Variants in TEC observed in about 807,000 individuals in gnomAD.
The protein encoded by TEC is tec protein tyrosine kinase, also known as tyrosine-protein kinase Tec.
A neutral mutation model predicts 93.0 loss-of-function variants in TEC; 72 were observed. The observed-to-expected ratio is 0.77, with a 90% CI of 0.64 to 0.94. The LOEUF is 0.94. TEC is among the 40% of genes least tolerant of loss of function. TEC has a pLI of 0.00. For synonymous variants in TEC, 249 were observed against 247.7 expected (o/e 1.01, Z -0.05); for missense variants, 630 against 757.9 (o/e 0.83, Z 1.98).
At position 48,145,539 on chromosome 4, in the gene TEC, C is replaced by G. The variant is rs946733895; in HGVS notation, c.1122G>C (p.Arg374Ser). Residue 374 changes from arginine (R) to serine (S), a missense_variant, in exon 13 of 18, where the codon AGG (arginine) becomes AGC (serine). Arg to Ser is a moderately radical substitution (Grantham distance 110, BLOSUM62 -1). Coordinates refer to ENST00000381501, the MANE Select transcript of TEC (RefSeq NM_003215.3). ...EINPSELTFM[R>S]ELGSGLFGVV... is the part of the protein sequence containing the mutation. ...CTCCAAACAGTCCACTTCCCAATTC[C>G]CTCATAAAGGTCAGTTCTGAAGGGT... 3.7e-6 allele frequency: 6 copies of G among 1,614,156 alleles called. No homozygotes were observed. The highest frequency in any genetic ancestry group is 5.1e-6 in the Non-Finnish European group (6 of 1,180,020).
intron 1 of TEC, among the ~76,000 whole-genome samples, chr4:48,250,572 C>T (rs762922675): frequency 1.3e-5 from 2 of 152,174 alleles, no homozygotes; most frequent in Non-Finnish European, 2.9e-5. Flanking sequence ...TCCTCTCTTG[C>T]TTCTTTGCGA....
chr4:48,258,897 CT>C (rs1381549266), intron 1 of TEC, among the ~76,000 whole-genome samples: 1 of 152,168 alleles, frequency 6.6e-6, no homozygotes, highest in Non-Finnish European at 1.5e-5. Context: ...TATAAATCCA[CT>C]TTCCCTACTT....
At chr4:48,205,482 A>G (rs1412085435) in intron 2 of TEC, among the ~76,000 whole-genome samples, 2 of 152,236 alleles carry the variant, frequency 1.3e-5, no homozygotes, top group South Asian at 2.1e-4. Flanking sequence ...TGCTAAATAT[A>G]TACTATTATT....
chr4:48,185,622 G>A (rs1721788418), intron 2 of TEC, among the ~76,000 whole-genome samples: 1 of 151,940 alleles, frequency 6.6e-6, no homozygotes, highest in African/African-American at 2.4e-5. Flanking sequence ...TTTACACTAA[G>A]GAGAAAAAGA....
At chr4:48,155,474 T>G (rs1577705387) in intron 9 of TEC, among the ~76,000 whole-genome samples, 1 of 152,210 alleles carries the variant, frequency 6.6e-6, no homozygotes, top group Non-Finnish European at 1.5e-5. Flanking sequence ...ACAGAACTTC[T>G]ACTAGACGGG....
Position 48,160,859 on chromosome 4 carries a change from G to GAGGAAGGAAGGAAGGA in TEC, c.737+2842_737+2843insTCCTTCCTTCCTTCCT, listed in dbSNP as rs71200935. ...GGAGGGAGAGAGGGAGGGAGGAAGG[G>GAGGAAGGAAGGAAGGA]AGGAAGGAATTAATTCAAAAGCAGC... On this transcript the variant is annotated intron_variant, in intron 8 of 17. Transcript: ENST00000381501. Among the ~76,000 whole-genome samples, 27 of 110,854 alleles carry GAGGAAGGAAGGAAGGA rather than the reference G, an allele frequency of 2.4e-4. 1 individual carries two copies. Among genetic ancestry groups the GAGGAAGGAAGGAAGGA allele is most frequent in the Middle Eastern group, 4.8e-3 (1 of 210 alleles). 72.7% of individuals were successfully genotyped at this position (110,854 alleles called of 152,430 possible). A position where few individuals can be genotyped will look rare whatever the true frequency, so the allele number is the denominator to read the frequency against.
intron 1 of TEC, among the ~76,000 whole-genome samples, chr4:48,246,799 C>G (rs926200315): frequency 5.3e-5 from 8 of 152,206 alleles, no homozygotes; most frequent in Middle Eastern, 3.4e-3. Flanking sequence ...TTGTAGAACT[C>G]TTAGAAGAAA....
At chr4:48,196,154 G>T (rs941260080) in intron 2 of TEC, among the ~76,000 whole-genome samples, 2 of 152,298 alleles carry the variant, frequency 1.3e-5, no homozygotes, top group Admixed American at 1.3e-4. Flanking sequence ...CTGTGATGGT[G>T]TTTCCAGAGG....
chr4:48,204,862 C>T (rs991065066), intron 2 of TEC, among the ~76,000 whole-genome samples: 8 of 152,186 alleles, frequency 5.3e-5, no homozygotes, highest in African/African-American at 1.9e-4. Flanking sequence ...CAGTTCCTAA[C>T]AGGCCACGCA....
intron 1 of TEC, among the ~76,000 whole-genome samples, chr4:48,248,505 CAG>C (rs2109665298): frequency 6.6e-6 from 1 of 152,328 alleles, no homozygotes; most frequent in South Asian, 2.1e-4. Context: ...AGCCCAGCGT[CAG>C]TACGGGAGGT....
At chr4:48,165,854 G>A (rs1251011522) in intron 7 of TEC, among the ~76,000 whole-genome samples, 1 of 152,144 alleles carries the variant, frequency 6.6e-6, no homozygotes, top group Non-Finnish European at 1.5e-5. Flanking sequence ...ATAAGTATTA[G>A]AGCTAATCGG....
rs184222890 is a variant in TEC, at chr4:48,136,101, A to G, written c.*1315T>C. 2 of 152,308 alleles carry G rather than the reference A, an allele frequency of 1.3e-5. No homozygotes were observed. The highest frequency in any genetic ancestry group is 1.3e-4 in the Admixed American group (2 of 15,294). 9.4% of individuals were successfully genotyped at this position (152,308 alleles called of 1,614,324 possible). On this transcript the variant is annotated 3_prime_UTR_variant, in exon 18 of 18. Transcript: ENST00000381501. Reference sequence around the variant, plus strand: ...GCAATAAACGGTCTCTGGATGACTGATACAGTTTCTTTTCGCTGGCGCTCA... The same window carrying G: ...GCAATAAACGGTCTCTGGATGACTGGTACAGTTTCTTTTCGCTGGCGCTCA...
At chr4:48,224,320 A>T (rs1306231401) in intron 2 of TEC, among the ~76,000 whole-genome samples, 1 of 152,212 alleles carries the variant, frequency 6.6e-6, no homozygotes, top group African/African-American at 2.4e-5. Flanking sequence ...TACTACTTCA[A>T]TTTTTTAAAT....
intron 2 of TEC, among the ~76,000 whole-genome samples, chr4:48,210,117 G>A (rs1722850077): frequency 6.6e-6 from 1 of 152,020 alleles, no homozygotes; most frequent in Admixed American, 6.6e-5. Context: ...CCTTAGGAAG[G>A]GCTATGGAAT....
intron 13 of TEC, 34 bp downstream of exon 13, chr4:48,145,374 A>G: frequency 6.2e-7 from 1 of 1,613,180 alleles, no homozygotes. Context: ...TTCTTAATAC[A>G]AAAAGATGAG....
intron 1 of TEC, among the ~76,000 whole-genome samples, chr4:48,252,720 A>C (rs562789268): frequency 1.5e-4 from 23 of 152,244 alleles, no homozygotes; most frequent in Non-Finnish European, 2.8e-4. Context: ...TAAATACCTT[A>C]ACTGAAGGCT....
intron 1 of TEC, among the ~76,000 whole-genome samples, chr4:48,236,200 C>T (rs1201279701): frequency 2.6e-5 from 4 of 152,106 alleles, no homozygotes; most frequent in African/African-American, 9.7e-5. Flanking sequence ...GTTTGATGTT[C>T]TAAATTTTAA....
At chr4:48,175,735 T>A (rs1378129405) in intron 3 of TEC, among the ~76,000 whole-genome samples, 9 of 152,048 alleles carry the variant, frequency 5.9e-5, no homozygotes, top group African/African-American at 2.2e-4. Flanking sequence ...GGAAAAAAAA[T>A]AACATGATTA....
intron 2 of TEC, among the ~76,000 whole-genome samples, chr4:48,182,533 CTCTGTG>C (rs2109567401): frequency 2.8e-5 from 2 of 71,928 alleles, no homozygotes; most frequent in African/African-American, 1.2e-4. Context: ...ATGGGCAATA[CTCTGTG>C]TGTGTGTGTG....
Sources: gnomAD v4.1 joint callset for allele counts (sites outside exome capture counted in the v4.1 genomes callset) on GRCh38, gnomAD v4.1.1 for gene constraint, MANE v1.5 for transcripts, NCBI Gene and HGNC (gene_info 2026-07-23, HGNC 2026-07-21) for gene names.